SNX29: variants seen among roughly 807,000 people sequenced by gnomAD.
SNX29 encodes the protein sorting nexin-29.
SNX29 carries 78 observed loss-of-function variants against 102.1 expected under a neutral mutation model. The ratio of observed to expected loss-of-function variants is 0.76; its 90% CI spans 0.64 to 0.92. SNX29 has a LOEUF of 0.92. Among genes scored for constraint, SNX29 ranks in the 40% least tolerant of loss-of-function variants. The probability of loss-of-function intolerance (pLI) is 0.00; values close to 1 mark genes in which losing one functional copy is unlikely to be tolerated. For missense variants in SNX29, 1,280 were observed against 1,061.7 expected (o/e 1.21, Z -2.86); for synonymous variants, 580 against 414.5 (o/e 1.40, Z -4.85).
chr16:12,300,754 G>A (rs534582568), intron 15 of SNX29, among the ~76,000 whole-genome samples: 1 of 152,286 alleles, frequency 6.6e-6, no homozygotes, highest in African/African-American at 2.4e-5. Context: ...CTCAAACTCA[G>A]CCTTGATGAC....
intron 20 of SNX29, among the ~76,000 whole-genome samples, chr16:12,564,343 C>G (rs920636328): frequency 6.6e-6 from 1 of 152,198 alleles, no homozygotes; most frequent in Non-Finnish European, 1.5e-5. Context: ...TCAGTCATTT[C>G]AGGATGTCAA....
chr16:12,571,480 A>T lies in SNX29; in HGVS notation c.*2851A>T, dbSNP rs768324496. 3.5e-6 allele frequency: 1 copy of T among 282,836 alleles called. No individual in the cohort carries two copies. The highest frequency in any genetic ancestry group is 6.1e-6 in the Non-Finnish European group (1 of 164,334). 17.5% of individuals were successfully genotyped at this position (282,836 alleles called of 1,614,324 possible). On this transcript the variant is annotated 3_prime_UTR_variant, in exon 21 of 21. Transcript: ENST00000566228. The stretch of plus-strand genomic sequence containing the variant: ...AGAACAGAAGCCCCCTCCCCTACTC[A>T]GAGAGGAACGAGGGTGGCCCACCTC...
At chr16:12,119,669 G>A (rs34311999) in intron 11 of SNX29, among the ~76,000 whole-genome samples, 1 of 152,246 alleles carries the variant, frequency 6.6e-6, no homozygotes, top group Non-Finnish European at 1.5e-5. Context: ...TGAGTCCTGA[G>A]GCTGTGCGCT....
At chr16:12,266,005 AAACTGAGGTT>A (rs1244367946) in intron 14 of SNX29, among the ~76,000 whole-genome samples, 1 of 152,220 alleles carries the variant, frequency 6.6e-6, no homozygotes, top group Non-Finnish European at 1.5e-5. Context: ...ACAAATGAGG[AAACTGAGGTT>A]CAGAGAAAGG....
intron 19 of SNX29, among the ~76,000 whole-genome samples, chr16:12,500,343 G>A (rs1054313923): frequency 3.3e-5 from 5 of 152,158 alleles, no homozygotes; most frequent in African/African-American, 7.2e-5. Context: ...GAGCTTGCCT[G>A]CAGACCAATA....
intron 18 of SNX29, among the ~76,000 whole-genome samples, chr16:12,473,930 C>G (rs942334770): frequency 6.6e-6 from 1 of 152,182 alleles, no homozygotes; most frequent in Non-Finnish European, 1.5e-5. Flanking sequence ...CAGCAGCTCT[C>G]GGGGCTGCTC....
Position 12,061,546 on chromosome 16 carries a change from C to A in SNX29, c.1143C>A (p.Thr381=), listed in dbSNP as rs759841495. The A allele has an allele frequency of 1.9e-6, 3 of 1,606,470 alleles. No individual in the cohort carries two copies. Among genetic ancestry groups the A allele is most frequent in the African/African-American group, 1.3e-5 (1 of 74,912 alleles). Residue 381 remains threonine (T), a synonymous_variant, in exon 9 of 21, where the codon ACC becomes ACA. Transcript: ENST00000566228. ...ESPEKPLEGN[T]CLSQMHSWAP... ...ACCTTAGGCCACTGGAAGGGAACAC[C>A]TGCCTCTCCCAGATGCACAGCTGGG... is the stretch of plus-strand genomic sequence containing the variant.
Position 12,042,961 on chromosome 16 carries a change from C to G in SNX29, c.312C>G (p.Ser104=). 1.1e-5 allele frequency: 17 copies of G among 1,613,906 alleles called. No homozygotes were observed. The highest frequency in any genetic ancestry group is 1.4e-5 in the Non-Finnish European group (17 of 1,179,854). The stretch of plus-strand genomic sequence containing the variant: ...AGCACGAGCTGCAGCGCTTCTACTC[C>G]CTGCGCCACATCGCCTCAGACGTGG... The part of the protein sequence containing the change: ...LNKHELQRFY[S]LRHIASDVGR... Residue 104 remains serine, a synonymous_variant, in exon 5 of 21, where the codon TCC becomes TCG. Coordinates refer to ENST00000566228, the MANE Select transcript of SNX29 (RefSeq NM_032167.5).
At chr16:12,558,375 C>T (rs1432042020) in intron 20 of SNX29, among the ~76,000 whole-genome samples, 6 of 152,108 alleles carry the variant, frequency 3.9e-5, no homozygotes, top group African/African-American at 7.2e-5. Flanking sequence ...TGGTAACCAT[C>T]GGAATTTTAC....
At chr16:12,116,442 C>T (rs913998228) in intron 11 of SNX29, among the ~76,000 whole-genome samples, 8 of 152,266 alleles carry the variant, frequency 5.3e-5, no homozygotes, top group East Asian at 3.9e-4. Flanking sequence ...GAGGCCAAGG[C>T]GGGGTGGATC....
Position 12,573,084 on chromosome 16 carries a change from A to C in SNX29, c.*4455A>C, listed in dbSNP as rs995637472. On this transcript the variant is annotated 3_prime_UTR_variant, in exon 21 of 21. Coordinates refer to ENST00000566228, the MANE Select transcript of SNX29 (RefSeq NM_032167.5). ...GTATATTTTATCTCATTTCTGTGCC[A>C]AGAAAGTTCATCTTTATGTTTTTCT... The C allele has an allele frequency of 4.3e-6, 1 of 230,722 alleles. No homozygotes were observed. The highest frequency in any genetic ancestry group is 8.5e-6 in the Non-Finnish European group (1 of 117,080). The allele number at this position is 230,722 out of a possible 1,614,324, so 14.3% of individuals were successfully genotyped here. A position where few individuals can be genotyped will look rare whatever the true frequency, so the allele number is the denominator to read the frequency against.
intron 13 of SNX29, among the ~76,000 whole-genome samples, chr16:12,187,248 A>G (rs2076533292): frequency 6.6e-6 from 1 of 152,128 alleles, no homozygotes; most frequent in Non-Finnish European, 1.5e-5. Context: ...CTGCCCCTCT[A>G]TGCCTGGGAC....
At chr16:12,173,990 G>A (rs1044163305) in intron 13 of SNX29, among the ~76,000 whole-genome samples, 1 of 152,208 alleles carries the variant, frequency 6.6e-6, no homozygotes, top group African/African-American at 2.4e-5. Flanking sequence ...ATACTGGCCA[G>A]GCTGGTTTCG....
At chr16:12,077,827 G>A (rs556105432) in intron 10 of SNX29, among the ~76,000 whole-genome samples, 12 of 151,998 alleles carry the variant, frequency 7.9e-5, no homozygotes, top group South Asian at 2.1e-4. Context: ...TGCCATGTTC[G>A]CCAGGCTGGT....
At chr16:12,063,991 C>T (rs2050904095) in intron 9 of SNX29, among the ~76,000 whole-genome samples, 1 of 151,886 alleles carries the variant, frequency 6.6e-6, no homozygotes, top group African/African-American at 2.4e-5. Context: ...GCAGGTGGTC[C>T]CAGGATGTGT....
At chr16:12,068,069 A>G (rs973909111) in intron 9 of SNX29, among the ~76,000 whole-genome samples, 4 of 152,134 alleles carry the variant, frequency 2.6e-5, no homozygotes, top group Non-Finnish European at 4.4e-5. Flanking sequence ...GTCTGATTCA[A>G]GGCACTACAA....
rs2051440345 is a variant in SNX29, at chr16:12,074,313, G to T, written c.1320-4520G>T. On this transcript the variant is annotated intron_variant, in intron 10 of 20. Coordinates refer to ENST00000566228, the MANE Select transcript of SNX29 (RefSeq NM_032167.5). ...GATTTTGCAGTGGCTGGTACCGGTT[G>T]TGCCTTTCCATGTTTAGTGCCTCCT... is the stretch of plus-strand genomic sequence containing the variant. 2.0e-5 allele frequency among the ~76,000 whole-genome samples: 3 copies of T among 152,090 alleles called. 1 individual carries two copies. The South Asian group carries it at 6.2e-4, about 31-fold the overall frequency.
intron 14 of SNX29, among the ~76,000 whole-genome samples, chr16:12,210,764 C>T (rs898683147): frequency 3.9e-5 from 6 of 152,056 alleles, no homozygotes; most frequent in Admixed American, 3.9e-4. Context: ...TCCTCTTTTC[C>T]CCTATCTCCT....
chr16:12,551,548 G>A (rs1431900200), intron 20 of SNX29, among the ~76,000 whole-genome samples: 1 of 152,202 alleles, frequency 6.6e-6, no homozygotes, highest in Non-Finnish European at 1.5e-5. Flanking sequence ...ATTCTAAGGT[G>A]CATGCAAAGT....
Sources: allele counts gnomAD v4.1 joint callset (sites outside exome capture counted in the v4.1 genomes callset), GRCh38; gene constraint gnomAD v4.1.1; transcripts MANE v1.5; gene names NCBI Gene and HGNC (gene_info 2026-07-23, HGNC 2026-07-21).